Variants in MAGEA4 observed in about 807,000 individuals in gnomAD.
MAGEA4 encodes MAGE family member A4, also known as melanoma-associated antigen 4.
MAGEA4 carries 1 observed loss-of-function variant against 13.7 expected under a neutral mutation model. That is an observed-to-expected ratio of 0.07 (90% confidence interval 0.03 to 0.35). The LOEUF is 0.35. MAGEA4 is among the 10% of genes least tolerant of loss of function. The pLI, the probability that MAGEA4 is intolerant of heterozygous loss-of-function variation, is 0.99. For missense variants in MAGEA4, 312 were observed against 245.1 expected (o/e 1.27, Z -1.82); for synonymous variants, 132 against 101.1 (o/e 1.31, Z -1.83).
intron 1 of MAGEA4, among the ~76,000 whole-genome samples, chrX:151,920,630 C>T (rs1329303996): frequency 2.1e-5 from 2 of 95,412 alleles, no homozygotes; most frequent in African/African-American, 7.8e-5. Flanking sequence ...CTATCCTCCC[C>T]AACCCCCCAA....
chrX:151,923,989 G>A lies in MAGEA4; in HGVS notation c.325G>A (p.Ala109Thr), dbSNP rs775463116. 16 of 1,212,025 alleles carry A rather than the reference G, an allele frequency of 1.3e-5. No homozygotes were observed. The highest frequency in any genetic ancestry group is 1.8e-5 in the Non-Finnish European group (16 of 895,547). Residue 109 changes from alanine to threonine, a missense_variant, in exon 3 of 3, where the codon GCA (alanine) becomes ACA (threonine). Ala to Thr is a moderately conservative substitution (Grantham distance 58). Coordinates refer to ENST00000276344, the MANE Select transcript of MAGEA4 (RefSeq NM_001011548.1). ...TGACGCAGAGTCCTTGTTCCGAGAA[G>A]CACTCAGTAACAAGGTGGATGAGTT... ...SPDAESLFRE[A>T]LSNKVDELAH...
At position 151,923,792 on chromosome X, in the gene MAGEA4, C is replaced by G. The variant is rs148498181; in HGVS notation, c.128C>G (p.Ser43Cys). Reference sequence around the variant, plus strand: ...GAGCAGGAGGCTGCTGTCTCCTCCTCCTCTCCTCTGGTCCCTGGCACCCTG... The same window carrying G: ...GAGCAGGAGGCTGCTGTCTCCTCCTGCTCTCCTCTGGTCCCTGGCACCCTG... ...TEEQEAAVSS[S>C]SPLVPGTLEE... The change falls in exon 3 of 3, where the codon TCC (serine) becomes TGC (cysteine). Residue 43 changes from serine (S) to cysteine (C), a missense_variant. Transcript: ENST00000276344. 1,197 of 1,207,486 alleles carry G rather than the reference C, an allele frequency of 9.9e-4. 2 individuals carry two copies. Among genetic ancestry groups the G allele is most frequent in the Non-Finnish European group, 1.3e-3 (1,143 of 894,169 alleles).
At chrX:151,921,497 G>A (rs1933437014) in intron 1 of MAGEA4, among the ~76,000 whole-genome samples, 1 of 112,252 alleles carries the variant, frequency 8.9e-6, no homozygotes. Context: ...AAAGCTACAG[G>A]GGACTCTAGA....
chrX:151,920,970 C>T (rs1467440316), intron 1 of MAGEA4, among the ~76,000 whole-genome samples: 32 of 111,294 alleles, frequency 2.9e-4, no homozygotes, highest in Admixed American at 1.3e-3. Flanking sequence ...CCGCCCCCTT[C>T]GCAACGCGTT....
At chrX:151,912,501 A>G, upstream of MAGEA4, 1 of 362,192 alleles carries the variant, frequency 2.8e-6, no homozygotes, top group Non-Finnish European at 5.3e-6. Flanking sequence ...GCAACTCGAG[A>G]TCCACGGAGG....
At chrX:151,919,842 G>A (rs889002482) in intron 1 of MAGEA4, 49 of 585,780 alleles carry the variant, frequency 8.4e-5, no homozygotes, top group Non-Finnish European at 9.0e-5. Context: ...AGTCTGGGGC[G>A]CCCACCACCC....
rs151060324 is a variant in MAGEA4, at chrX:151,924,081, A to C, written c.417A>C (p.Arg139Ser). 71 of 1,210,307 alleles carry C rather than the reference A, an allele frequency of 5.9e-5. 1 individual carries two copies. In the Middle Eastern group the frequency reaches 1.6e-3, roughly 27 times the overall value. The change falls in exon 3 of 3, where the codon AGA becomes AGC. Residue 139 changes from arginine (R) to serine (S), a missense_variant. Arg to Ser is a moderately radical substitution (Grantham distance 110). Coordinates refer to ENST00000276344, the MANE Select transcript of MAGEA4 (RefSeq NM_001011548.1). ...ELVTKAEMLE[R>S]VIKNYKRCFP... ...TCACAAAGGCAGAAATGCTGGAGAG[A>C]GTCATCAAAAATTACAAGCGCTGCT...
In MAGEA4 at chrX:151,924,001, A is replaced by G. The variant is rs1603078454; in HGVS notation, c.337A>G (p.Lys113Glu). Reference protein sequence around the residue: ...ESLFREALSNKVDELAHFLLR... With the variant: ...ESLFREALSNEVDELAHFLLR... ...CTTGTTCCGAGAAGCACTCAGTAACAAGGTGGATGAGTTGGCTCATTTTCT... is the reference window on the plus strand; with the variant it reads ...CTTGTTCCGAGAAGCACTCAGTAACGAGGTGGATGAGTTGGCTCATTTTCT... Residue 113 changes from lysine to glutamate, a missense_variant, in exon 3 of 3, where the codon AAG (lysine) becomes GAG (glutamate). Transcript: ENST00000276344. 1 of 1,212,106 alleles carries G rather than the reference A, an allele frequency of 8.3e-7. No homozygotes were observed. Among genetic ancestry groups the G allele is most frequent in the Non-Finnish European group, 1.1e-6 (1 of 895,593 alleles).
Position 151,924,616 on chromosome X carries a change from T to C in MAGEA4, c.952T>C (p.Ter318ArgextTer2), listed in dbSNP as rs1668686429. 8.5e-7 allele frequency: 1 copy of C among 1,179,561 alleles called. No homozygotes were observed. The highest frequency in any genetic ancestry group is 1.1e-6 in the Non-Finnish European group (1 of 878,522). The change falls in exon 3 of 3, where the codon TGA (stop) becomes CGA (arginine). Residue 318 changes from the stop codon to arginine (R), a stop_lost. Transcript: ENST00000276344. Reference sequence around the variant, plus strand: ...TTTGTTAGAGGAGGAAGAGGGAGTCTGAGCATGAGTTGCAGCCAGGGCTGT... The same window carrying C: ...TTTGTTAGAGGAGGAAGAGGGAGTCCGAGCATGAGTTGCAGCCAGGGCTGT... ...AALLEEEEGV[*>R]
At chrX:151,920,528 G>A (rs1264949188) in intron 1 of MAGEA4, among the ~76,000 whole-genome samples, 1 of 107,637 alleles carries the variant, frequency 9.3e-6, no homozygotes, top group East Asian at 3.0e-4. Flanking sequence ...CCTAGGAGAG[G>A]GCTGAGTGTC....
chrX:151,922,326 G>A (rs1933485329), intron 1 of MAGEA4, among the ~76,000 whole-genome samples: 1 of 111,333 alleles, frequency 9.0e-6, no homozygotes, highest in African/African-American at 3.3e-5. Flanking sequence ...AACCTTCAGG[G>A]AGATGAGGTT....
Position 151,913,551 on chromosome X carries a change from G to A in MAGEA4, c.-138+582G>A, listed in dbSNP as rs1001213320. The A allele has an allele frequency of 9.4e-6, 7 of 747,798 alleles. No individual in the cohort carries two copies. In the African/African-American group the frequency reaches 1.7e-4, roughly 18 times the overall value. The allele number at this position is 747,798 out of a possible 1,213,427, so 61.6% of individuals were successfully genotyped here. A position where few individuals can be genotyped will look rare whatever the true frequency, so the allele number is the denominator to read the frequency against. ...TCTGTCTGACCAGCAGCTTGGGATT[G>A]GCGGAGGGAAGCGGGCCAGGCCCTG... On this transcript the variant is annotated intron_variant, in intron 1 of 2. Coordinates refer to ENST00000276344, the MANE Select transcript of MAGEA4 (RefSeq NM_001011548.1).
Position 151,923,740 on chromosome X carries a change from G to C in MAGEA4, c.76G>C (p.Val26Leu). The C allele has an allele frequency of 8.3e-7, 1 of 1,210,661 alleles. No individual in the cohort carries two copies. The highest frequency in any genetic ancestry group is 1.1e-6 in the Non-Finnish European group (1 of 895,282). The change falls in exon 3 of 3, where the codon GTG becomes CTG. Residue 26 changes from valine (V) to leucine (L), a missense_variant. Physicochemically the swap from Val to Leu is conservative, Grantham distance 32 (BLOSUM62 1). Transcript: ENST00000276344. ...GGCCCAAGAAGAGGCCCTGGGCCTGGTGGGTGCACAGGCTCCTACTACTGA... is the reference window on the plus strand; with the variant it reads ...GGCCCAAGAAGAGGCCCTGGGCCTGCTGGGTGCACAGGCTCCTACTACTGA... ...VEAQEEALGLVGAQAPTTEEQ... is the reference protein window; with the variant it reads ...VEAQEEALGLLGAQAPTTEEQ...
At chrX:151,912,524 G>A (rs933661398), upstream of MAGEA4, 2 of 364,471 alleles carry the variant, frequency 5.5e-6, no homozygotes, top group African/African-American at 5.2e-5. Flanking sequence ...AGCAGGCGCA[G>A]GCTCTGTGAG....
Position 151,924,728 on chromosome X carries a change from C to A in MAGEA4, c.*110C>A. On this transcript the variant is annotated 3_prime_UTR_variant, in exon 3 of 3. Coordinates refer to ENST00000276344, the MANE Select transcript of MAGEA4 (RefSeq NM_001011548.1). Reference sequence around the variant, plus strand: ...CGTGTAACATGAGGCCCATTCTTCACTCTGTTTGAAGAAAATAGTCAGTGT... The same window carrying A: ...CGTGTAACATGAGGCCCATTCTTCAATCTGTTTGAAGAAAATAGTCAGTGT... 2 of 832,000 alleles carry A rather than the reference C, an allele frequency of 2.4e-6. No individual in the cohort carries two copies. The highest frequency in any genetic ancestry group is 3.3e-6 in the Non-Finnish European group (2 of 605,769). 68.6% of individuals were successfully genotyped at this position (832,000 alleles called of 1,213,427 possible).
intron 1 of MAGEA4, among the ~76,000 whole-genome samples, chrX:151,920,378 C>T (rs775039260): frequency 9.0e-6 from 1 of 110,535 alleles, no homozygotes; most frequent in South Asian, 3.9e-4. Context: ...CAGTCCTGGG[C>T]CACCCGTGGG....
In MAGEA4 at chrX:151,924,148, A is replaced by G; in HGVS notation, c.484A>G (p.Ile162Val). Residue 162 changes from isoleucine to valine, a missense_variant, in exon 3 of 3, where the codon ATC becomes GTC. By Grantham distance (29) the Ile-to-Val change is conservative (BLOSUM62 3). Transcript: ENST00000276344. ...CAAAGCCTCCGAGTCCCTGAAGATG[A>G]TCTTTGGCATTGACGTGAAGGAAGT... ...FGKASESLKM[I>V]FGIDVKEVDP... 1 of 1,211,992 alleles carries G rather than the reference A, an allele frequency of 8.3e-7. No homozygotes were observed.
chrX:151,924,081 A>G lies in MAGEA4; in HGVS notation c.417A>G (p.Arg139=). ...ELVTKAEMLE[R]VIKNYKRCFP... ...TCACAAAGGCAGAAATGCTGGAGAG[A>G]GTCATCAAAAATTACAAGCGCTGCT... The change falls in exon 3 of 3, where the codon AGA becomes AGG. Residue 139 remains arginine, a synonymous_variant. Coordinates refer to ENST00000276344, the MANE Select transcript of MAGEA4 (RefSeq NM_001011548.1). 1 of 1,211,650 alleles carries G rather than the reference A, an allele frequency of 8.3e-7. No homozygotes were observed. Among genetic ancestry groups the G allele is most frequent in the Non-Finnish European group, 1.1e-6 (1 of 895,267 alleles).
chrX:151,918,889 T>C (rs1442346462), intron 1 of MAGEA4: 3 of 682,021 alleles, frequency 4.4e-6, no homozygotes, highest in Admixed American at 1.1e-4. Flanking sequence ...ATCTGATTTC[T>C]GGTTTCTCTT....
Sources: allele counts gnomAD v4.1 joint callset (sites outside exome capture counted in the v4.1 genomes callset), GRCh38; gene constraint gnomAD v4.1.1; transcripts MANE v1.5; gene names NCBI Gene and HGNC (gene_info 2026-07-23, HGNC 2026-07-21).